CFAP45: variants seen among roughly 807,000 people sequenced by gnomAD.
CFAP45 encodes cilia- and flagella-associated protein 45.
A neutral mutation model predicts 75.6 loss-of-function variants in CFAP45; 43 were observed. That is an observed-to-expected ratio of 0.57 (90% CI 0.45 to 0.73). The LOEUF (loss-of-function observed/expected upper bound fraction) is 0.73, where lower values mean the gene tolerates loss of function less well. Among genes scored for constraint, CFAP45 ranks in the 30% least tolerant of loss-of-function variants. The pLI is 0.00. For missense variants in CFAP45, 689 were observed against 701.5 expected (o/e 0.98, Z 0.20); for synonymous variants, 223 against 244.6 (o/e 0.91, Z 0.82).
Position 159,876,699 on chromosome 1 carries a change from G to C in CFAP45, c.1209C>G (p.Arg403=). ...RNQEVADREW[R]RKEKENARKK... ...TCCGCGCATTTTCCTTTTCCTTTCT[G>C]CGCCACTCTCTGTCTGCAACCTCCT... The change falls in exon 10 of 12, where the codon CGC becomes CGG. Residue 403 remains arginine (R), a synonymous_variant. Transcript: ENST00000368099. 1.2e-6 allele frequency: 2 copies of C among 1,614,082 alleles called. No homozygotes were observed. The highest frequency in any genetic ancestry group is 1.7e-6 in the Non-Finnish European group (2 of 1,180,012).
intron 1 of CFAP45, among the ~76,000 whole-genome samples, chr1:159,896,366 G>T (rs965383581): frequency 6.6e-6 from 1 of 152,192 alleles, no homozygotes; most frequent in Admixed American, 6.5e-5. Context: ...TGAACTCTAG[G>T]GTTGGGTGGT....
At chr1:159,872,586 T>TA in intron 11 of CFAP45, 23 bp from the exon 12 acceptor site, 1 of 1,606,622 alleles carries the variant, frequency 6.2e-7, no homozygotes, top group Non-Finnish European at 8.5e-7. Flanking sequence ...CGCAGGCAGG[T>TA]ATAAGGAAAG....
chr1:159,881,212 T>G (rs1232912852), intron 7 of CFAP45, among the ~76,000 whole-genome samples: 4 of 152,258 alleles, frequency 2.6e-5, no homozygotes, highest in Admixed American at 2.6e-4. Context: ...TAGGTAGGCC[T>G]TGTTATCTCT....
chr1:159,875,683 G>A (rs1358122854), intron 10 of CFAP45, among the ~76,000 whole-genome samples: 3 of 152,162 alleles, frequency 2.0e-5, no homozygotes, highest in Non-Finnish European at 2.9e-5. Flanking sequence ...ATTTTGCTTG[G>A]CTTGTTTCCT....
At chr1:159,891,337 T>C (rs989885548) in intron 2 of CFAP45, among the ~76,000 whole-genome samples, 2 of 152,198 alleles carry the variant, frequency 1.3e-5, no homozygotes, top group Non-Finnish European at 2.9e-5. Flanking sequence ...TAATTTTAAA[T>C]TCTTTCTTAC....
intron 1 of CFAP45, among the ~76,000 whole-genome samples, chr1:159,897,289 C>T (rs1010935821): frequency 7.4e-5 from 11 of 149,544 alleles, no homozygotes; most frequent in African/African-American, 2.5e-4. Context: ...TAAAGAAATA[C>T]ATAAGTATTC....
chr1:159,876,778 G>A (rs538557307), intron 9 of CFAP45, 29 bp from the exon 10 acceptor site: 1 of 1,613,538 alleles, frequency 6.2e-7, no homozygotes. Context: ...GACCAGTGAG[G>A]GCACAAAATA....
intron 5 of CFAP45, among the ~76,000 whole-genome samples, chr1:159,887,468 G>C (rs1250569959): frequency 1.3e-5 from 2 of 152,192 alleles, no homozygotes; most frequent in African/African-American, 4.8e-5. Flanking sequence ...GGCCAGAACT[G>C]AACTAACAGG....
At chr1:159,874,182 AT>A (rs1649349050) in intron 10 of CFAP45, among the ~76,000 whole-genome samples, 1 of 152,126 alleles carries the variant, frequency 6.6e-6, no homozygotes, top group African/African-American at 2.4e-5. Context: ...CTAACATCTA[AT>A]TTTGTTCTCA....
At chr1:159,892,401 C>A (rs1380339810) in intron 2 of CFAP45, among the ~76,000 whole-genome samples, 1 of 152,204 alleles carries the variant, frequency 6.6e-6, no homozygotes, top group African/African-American at 2.4e-5. Context: ...CTATCTCAAT[C>A]CCTCTGGAGA....
chr1:159,888,524 A>G, intron 3 of CFAP45, 28 bp from the exon 4 acceptor site: 3 of 1,609,032 alleles, frequency 1.9e-6, no homozygotes, highest in Non-Finnish European at 2.5e-6. Context: ...AGAGTTAGGG[A>G]GGGGAGAGGG....
At chr1:159,899,747 G>A (rs1284045555) in intron 1 of CFAP45, among the ~76,000 whole-genome samples, 1 of 152,012 alleles carries the variant, frequency 6.6e-6, no homozygotes, top group Admixed American at 6.6e-5. Context: ...GATTACAGGC[G>A]TAAGCCACCG....
chr1:159,890,408 C>T lies in CFAP45; in HGVS notation c.272+72G>A, dbSNP rs1649796401. 37 of 1,482,324 alleles carry T rather than the reference C, an allele frequency of 2.5e-5. No individual in the cohort carries two copies. The South Asian group carries it at 4.1e-4, about 16-fold the overall frequency. The allele number at this position is 1,482,324 out of a possible 1,614,324, so 91.8% of individuals were successfully genotyped here. On this transcript the variant is annotated intron_variant, in intron 3 of 11. Transcript: ENST00000368099. ...ACAGAATGAAACCAGGTGGGTTTAC[C>T]CATCTCCCTACAAAGATCCTTAGCA...
At chr1:159,893,072 G>C in intron 2 of CFAP45, 108 bp downstream of exon 2, 10 of 1,280,710 alleles carry the variant, frequency 7.8e-6, no homozygotes, top group Non-Finnish European at 1.1e-5. Flanking sequence ...TTCAGTCTGA[G>C]AGTTACCTAC....
rs1244364355 is a variant in CFAP45 at position 159,873,070 on chromosome 1, T to C, written c.1451A>G (p.Glu484Gly). The C allele has an allele frequency of 6.2e-7, 1 of 1,614,268 alleles. No homozygotes were observed. Among genetic ancestry groups the C allele is most frequent in the Admixed American group, 1.7e-5 (1 of 60,032 alleles). The change falls in exon 11 of 12, where the codon GAG becomes GGG. Residue 484 changes from glutamate (E) to glycine (G), a missense_variant. Glu to Gly is a moderately conservative substitution (Grantham distance 98, BLOSUM62 -2). Transcript: ENST00000368099. ...HANELRRQVRENQQKEVQNRI... is the reference protein window; with the variant it reads ...HANELRRQVRGNQQKEVQNRI... Reference sequence around the variant, plus strand: ...GTTCTGCACTTCCTTCTGCTGGTTCTCGCGCACCTGGCGCCGGAGCTCATT... The same window carrying C: ...GTTCTGCACTTCCTTCTGCTGGTTCCCGCGCACCTGGCGCCGGAGCTCATT...
At chr1:159,892,754 T>C (rs999192398) in intron 2 of CFAP45, among the ~76,000 whole-genome samples, 2 of 152,232 alleles carry the variant, frequency 1.3e-5, no homozygotes, top group Non-Finnish European at 2.9e-5. Flanking sequence ...ATTGTTTTAG[T>C]TGAGCAACTG....
chr1:159,890,123 G>A (rs554036283), intron 3 of CFAP45, among the ~76,000 whole-genome samples: 9 of 152,200 alleles, frequency 5.9e-5, no homozygotes, highest in Admixed American at 1.3e-4. Flanking sequence ...CCGAAAGGAA[G>A]TGACTCATCT....
intron 6 of CFAP45, among the ~76,000 whole-genome samples, chr1:159,885,150 A>G (rs990271574): frequency 6.6e-6 from 1 of 152,208 alleles, no homozygotes; most frequent in Non-Finnish European, 1.5e-5. Flanking sequence ...GAGTGCTCGA[A>G]TGGCTTCATG....
intron 4 of CFAP45, 123 bp from the exon 5 acceptor site, chr1:159,888,134 A>C: frequency 1.7e-6 from 2 of 1,185,904 alleles, no homozygotes. Context: ...TGTCAGAGCC[A>C]AGAAGTTCCA....
Sources: gnomAD v4.1 joint callset for allele counts (sites outside exome capture counted in the v4.1 genomes callset) on GRCh38, gnomAD v4.1.1 for gene constraint, MANE v1.5 for transcripts, NCBI Gene and HGNC (gene_info 2026-07-23, HGNC 2026-07-21) for gene names.